The following LRPPRC variants were observed in gnomAD, a reference collection of about 807,000 sequenced individuals.
The protein encoded by LRPPRC is leucine rich pentatricopeptide repeat containing.
Under a neutral mutation model 180.3 loss-of-function variants are expected in LRPPRC, and 120 were observed. The ratio of observed to expected loss-of-function variants is 0.67; its 90% CI spans 0.57 to 0.77. The LOEUF (loss-of-function observed/expected upper bound fraction) is 0.77. LRPPRC is among the 30% of genes least tolerant of loss of function. LRPPRC has a pLI of 0.00. For synonymous variants in LRPPRC, 723 were observed against 600.0 expected (o/e 1.21, Z -3.00); for missense variants, 2,012 against 1,657.2 (o/e 1.21, Z -3.72).
chr2:43,949,487 T>A, intron 16 of LRPPRC, 115 bp downstream of exon 16: 2 of 765,716 alleles, frequency 2.6e-6, no homozygotes, highest in South Asian at 3.0e-5. Flanking sequence ...TAACCAAATG[T>A]TTTCAAATTC....
chr2:43,922,010 ATGTT>A (rs764189400), intron 27 of LRPPRC, among the ~76,000 whole-genome samples: 1 of 152,362 alleles, frequency 6.6e-6, no homozygotes, highest in South Asian at 2.1e-4. Context: ...ACATAAGAAA[ATGTT>A]TGTCATATAG....
intron 25 of LRPPRC, among the ~76,000 whole-genome samples, chr2:43,926,573 G>A (rs145491491): frequency 0.013 from 2,038 of 152,100 alleles, 45 homozygotes; most frequent in African/African-American, 0.046. Context: ...CACCATGTTG[G>A]CCAGGCTGGT....
chr2:43,909,154 C>T (rs1477341154), intron 30 of LRPPRC, among the ~76,000 whole-genome samples: 1 of 152,196 alleles, frequency 6.6e-6, no homozygotes, highest in African/African-American at 2.4e-5. Flanking sequence ...TGAACTTTCA[C>T]TTCTGAATTT....
At chr2:43,906,879 T>C (rs1671083239) in intron 30 of LRPPRC, among the ~76,000 whole-genome samples, 1 of 152,156 alleles carries the variant, frequency 6.6e-6, no homozygotes, top group African/African-American at 2.4e-5. Context: ...ACCAATCCTC[T>C]TTATCCCACC....
intron 11 of LRPPRC, among the ~76,000 whole-genome samples, chr2:43,966,858 C>G (rs1673583706): frequency 6.6e-6 from 1 of 151,868 alleles, no homozygotes; most frequent in African/African-American, 2.4e-5. Flanking sequence ...TGAGACCAGC[C>G]TGGCCAACAT....
chr2:43,961,134 T>C (rs972219091), intron 12 of LRPPRC, among the ~76,000 whole-genome samples: 1 of 152,072 alleles, frequency 6.6e-6, no homozygotes, highest in Non-Finnish European at 1.5e-5. Flanking sequence ...TAAGCAAGGA[T>C]AAAAAATAAA....
intron 12 of LRPPRC, among the ~76,000 whole-genome samples, chr2:43,962,570 A>T (rs1179169368): frequency 6.6e-6 from 1 of 152,214 alleles, no homozygotes; most frequent in East Asian, 1.9e-4. Flanking sequence ...ATTCAGCGCT[A>T]AGCATGCTGT....
rs757471961 is a variant in LRPPRC, at chr2:43,925,118, G to A, written c.2845C>T (p.Leu949=). The A allele has an allele frequency of 6.2e-7, 1 of 1,603,702 alleles. No individual in the cohort carries two copies. The highest frequency in any genetic ancestry group is 1.1e-5 in the South Asian group (1 of 90,844). ...LEKLVELTQK[L]FECDRDQMYY... Reference sequence around the variant, plus strand: ...ATCTGGTCTCTATCACATTCAAATAGCTTCTGTGTCAGCTCCACTAATTTT... The same window carrying A: ...ATCTGGTCTCTATCACATTCAAATAACTTCTGTGTCAGCTCCACTAATTTT... Residue 949 remains leucine, a synonymous_variant, in exon 27 of 38, where the codon CTA becomes TTA. Coordinates refer to ENST00000260665, the MANE Select transcript of LRPPRC (RefSeq NM_133259.4).
chr2:43,918,394 T>C lies in LRPPRC; in HGVS notation c.2901A>G (p.Ile967Met), dbSNP rs1671556643. The change falls in exon 28 of 38, where the codon ATA becomes ATG. Residue 967 changes from isoleucine to methionine, a missense_variant. By Grantham distance (10) the Ile-to-Met change is conservative. Coordinates refer to ENST00000260665, the MANE Select transcript of LRPPRC (RefSeq NM_133259.4). ...CATCAGCTCTTTGCCAGTCACCGTTTATTTCTGTAGAATTTGATTAAGCAG... is the reference window on the plus strand; with the variant it reads ...CATCAGCTCTTTGCCAGTCACCGTTCATTTCTGTAGAATTTGATTAAGCAG... ...MYYNLLKLYK[I>M]NGDWQRADAV... 6.2e-7 allele frequency: 1 copy of C among 1,607,480 alleles called. No homozygotes were observed. The highest frequency in any genetic ancestry group is 1.3e-5 in the African/African-American group (1 of 74,784).
At chr2:43,913,214 A>G (rs1671325924) in intron 29 of LRPPRC, among the ~76,000 whole-genome samples, 1 of 152,220 alleles carries the variant, frequency 6.6e-6, no homozygotes, top group African/African-American at 2.4e-5. Context: ...AATAACTGTC[A>G]GTGAATGAAA....
At chr2:43,941,253 T>G (rs1034937680) in intron 23 of LRPPRC, among the ~76,000 whole-genome samples, 1 of 152,192 alleles carries the variant, frequency 6.6e-6, no homozygotes, top group African/African-American at 2.4e-5. Flanking sequence ...TAAGATCCAC[T>G]GAAACTTAAA....
chr2:43,908,112 G>A (rs1671125026), intron 30 of LRPPRC, among the ~76,000 whole-genome samples: 2 of 152,170 alleles, frequency 1.3e-5, no homozygotes, highest in Admixed American at 6.5e-5. Context: ...TTTCCGAACA[G>A]AATGATACAG....
intron 6 of LRPPRC, among the ~76,000 whole-genome samples, chr2:43,975,892 A>G (rs1010924885): frequency 1.3e-5 from 2 of 152,190 alleles, no homozygotes; most frequent in African/African-American, 2.4e-5. Context: ...TTCAAGCCCA[A>G]TTTCTAAAAA....
chr2:43,983,760 C>T (rs184227844), intron 1 of LRPPRC, among the ~76,000 whole-genome samples: 27 of 152,204 alleles, frequency 1.8e-4, no homozygotes, highest in Non-Finnish European at 3.7e-4. Context: ...AAAAACCAGT[C>T]ACAAATTGAA....
chr2:43,907,276 TC>T (rs1671095001), intron 30 of LRPPRC, among the ~76,000 whole-genome samples: 1 of 152,184 alleles, frequency 6.6e-6, no homozygotes, highest in African/African-American at 2.4e-5. Context: ...AAACCCCAGA[TC>T]TATTCTATAA....
rs146880452 is a variant in LRPPRC, at chr2:43,993,262, T to C, written c.149+2537A>G. ...AAGGACAGCTATCAATGAATGGCTC[T>C]CTGGTTGACATAATTAAGGGTGATT... On this transcript the variant is annotated intron_variant, in intron 1 of 37. Coordinates refer to ENST00000260665, the MANE Select transcript of LRPPRC (RefSeq NM_133259.4). Among the ~76,000 whole-genome samples the C allele has an allele frequency of 5.9e-3, 899 of 152,338 alleles. 8 individuals carry two copies. The highest frequency in any genetic ancestry group is 0.021 in the African/African-American group (855 of 41,570).
chr2:43,933,311 T>A (rs897979013), intron 25 of LRPPRC, among the ~76,000 whole-genome samples: 3 of 152,190 alleles, frequency 2.0e-5, no homozygotes, highest in African/African-American at 7.2e-5. Context: ...TTCAGTTTCA[T>A]GATAAGCAGT....
rs147118926 is a variant in LRPPRC, at chr2:43,976,171, C to T, written c.709G>A (p.Ala237Thr). Residue 237 changes from alanine (A) to threonine (T), a missense_variant, in exon 6 of 38, where the codon GCC (alanine) becomes ACC (threonine). Coordinates refer to ENST00000260665, the MANE Select transcript of LRPPRC (RefSeq NM_133259.4). ...GCTCTGGCATGCCCTGTCACAAGGG[C>T]ACTGAATACTGCCTCTGTAACTGGG... ...DLPVTEAVFSALVTGHARAGD... is the reference protein window; with the variant it reads ...DLPVTEAVFSTLVTGHARAGD... 2 of 1,612,166 alleles carry T rather than the reference C, an allele frequency of 1.2e-6. No individual in the cohort carries two copies. The highest frequency in any genetic ancestry group is 1.7e-6 in the Non-Finnish European group (2 of 1,178,352).
Position 43,892,132 on chromosome 2 carries a change from T to C in LRPPRC, c.3986-2256A>G, listed in dbSNP as rs1670512874. On this transcript the variant is annotated intron_variant, in intron 36 of 37. Transcript: ENST00000260665. ...TCCAAGGTGAAGCAGCAAATGCTGATGCAGAAGCTACGGCAGGTTATCCAG... is the reference window on the plus strand; with the variant it reads ...TCCAAGGTGAAGCAGCAAATGCTGACGCAGAAGCTACGGCAGGTTATCCAG... Among the ~76,000 whole-genome samples, 5 of 152,346 alleles carry C rather than the reference T, an allele frequency of 3.3e-5. No homozygotes were observed. The South Asian group carries it at 8.3e-4, about 25-fold the overall frequency.
Sources: gnomAD v4.1 joint callset for allele counts (sites outside exome capture counted in the v4.1 genomes callset) on GRCh38, gnomAD v4.1.1 for gene constraint, MANE v1.5 for transcripts, NCBI Gene and HGNC (gene_info 2026-07-23, HGNC 2026-07-21) for gene names.